The following INSC variants were observed in gnomAD, a reference collection of about 807,000 sequenced individuals.
The protein encoded by INSC is protein inscuteable homolog.
In INSC, 67 loss-of-function variants were observed where a neutral mutation model predicts 58.6. The ratio of observed to expected loss-of-function variants is 1.14; its 90% confidence interval spans 0.94 to 1.40. The LOEUF (loss-of-function observed/expected upper bound fraction) is 1.40, where lower values mean the gene tolerates loss of function less well. INSC is among the 40% of genes most tolerant of loss of function. The pLI is 0.00. For synonymous variants in INSC, 262 were observed against 276.1 expected (o/e 0.95, Z 0.51); for missense variants, 714 against 692.0 (o/e 1.03, Z -0.36).
chr11:15,149,389 A>T (rs2133748660), intron 2 of INSC, among the ~76,000 whole-genome samples, 159 bp downstream of exon 2: 1 of 152,314 alleles, frequency 6.6e-6, no homozygotes, highest in East Asian at 1.9e-4. Flanking sequence ...ATGTTCACTC[A>T]GCAAATATTA....
intron 2 of INSC, among the ~76,000 whole-genome samples, chr11:15,157,496 G>A (rs1470838645): frequency 6.6e-6 from 1 of 152,218 alleles, no homozygotes; most frequent in Admixed American, 6.5e-5. Flanking sequence ...TTGACCCACT[G>A]GGAGTTGGAA....
chr11:15,147,402 C>CT (rs1410882350), intron 1 of INSC, among the ~76,000 whole-genome samples: 13 of 152,218 alleles, frequency 8.5e-5, no homozygotes, highest in Non-Finnish European at 1.8e-4. Flanking sequence ...GACCAGAGAG[C>CT]TGAGCACATA....
rs767643977 is a variant in INSC, at chr11:15,238,949, A to T, written c.1268A>T (p.Glu423Val). The change falls in exon 11 of 13, where the codon GAA (glutamate) becomes GTA (valine). Residue 423 changes from glutamate to valine, a missense_variant. Physicochemically the swap from Glu to Val is moderately radical, Grantham distance 121 (BLOSUM62 -2). Coordinates refer to ENST00000379556, the MANE Select transcript of INSC (RefSeq NM_001042536.3). ...GVQLIMGMLS[E>V]KPRSGTPAEV... Reference sequence around the variant, plus strand: ...CAGCTTATCATGGGCATGCTGTCTGAAAAACCAAGGTCTGGGACTCCTGCT... The same window carrying T: ...CAGCTTATCATGGGCATGCTGTCTGTAAAACCAAGGTCTGGGACTCCTGCT... 9 of 1,614,148 alleles carry T rather than the reference A, an allele frequency of 5.6e-6. No individual in the cohort carries two copies. Among genetic ancestry groups the T allele is most frequent in the Non-Finnish European group, 7.6e-6 (9 of 1,179,992 alleles).
intron 11 of INSC, 64 bp downstream of exon 11, chr11:15,239,138 G>T: frequency 6.5e-7 from 1 of 1,543,030 alleles, no homozygotes; most frequent in Non-Finnish European, 8.7e-7. Context: ...GAGCAGCTCT[G>T]ATTTCACAGT....
intron 5 of INSC, among the ~76,000 whole-genome samples, chr11:15,183,102 C>A (rs998500143): frequency 6.6e-6 from 1 of 152,038 alleles, no homozygotes; most frequent in Non-Finnish European, 1.5e-5. Context: ...AATCTCAGCA[C>A]TTTGGGAGGC....
intron 1 of INSC, among the ~76,000 whole-genome samples, chr11:15,125,637 C>T (rs530214974): frequency 5.4e-4 from 82 of 152,174 alleles, no homozygotes; most frequent in African/African-American, 9.2e-4. Flanking sequence ...TTCCTCTGTT[C>T]GACCCACTTC....
intron 1 of INSC, among the ~76,000 whole-genome samples, chr11:15,139,384 C>T (rs981215391): frequency 6.6e-6 from 1 of 152,116 alleles, no homozygotes; most frequent in African/African-American, 2.4e-5. Flanking sequence ...TTTTGCAAAT[C>T]GAAGCTAAGG....
chr11:15,241,609 G>C (rs1316792835), intron 12 of INSC: 3 of 702,792 alleles, frequency 4.3e-6, no homozygotes, highest in African/African-American at 3.5e-5. Flanking sequence ...AAACATCTCT[G>C]CCCTCCTGCT....
intron 5 of INSC, among the ~76,000 whole-genome samples, chr11:15,186,169 C>G (rs1288084843): frequency 1.3e-5 from 2 of 152,136 alleles, no homozygotes; most frequent in African/African-American, 4.8e-5. Flanking sequence ...GGGTCAGTAC[C>G]TCTGCCAGGG....
intron 2 of INSC, among the ~76,000 whole-genome samples, chr11:15,162,246 C>G (rs1849043439): frequency 1.3e-5 from 2 of 152,098 alleles, no homozygotes; most frequent in African/African-American, 4.8e-5. Context: ...TCTATGAGCT[C>G]CCCTCCTACT....
At chr11:15,122,581 C>T (rs12786222) in intron 1 of INSC, among the ~76,000 whole-genome samples, 2 of 152,212 alleles carry the variant, frequency 1.3e-5, no homozygotes, top group South Asian at 4.1e-4. Context: ...ATGACTCCTT[C>T]GTCTGGGTAG....
At chr11:15,241,579 C>T in intron 12 of INSC, 1 of 702,948 alleles carries the variant, frequency 1.4e-6, no homozygotes, top group Non-Finnish European at 2.6e-6. Flanking sequence ...TATGGGGATA[C>T]AGCTGCAGGT....
chr11:15,244,788 C>A (rs1852496266), intron 12 of INSC, among the ~76,000 whole-genome samples: 1 of 152,164 alleles, frequency 6.6e-6, no homozygotes, highest in South Asian at 2.1e-4. Flanking sequence ...GATATTCCCC[C>A]ACTCTTTTTG....
At chr11:15,152,146 GT>G (rs1473467050) in intron 2 of INSC, among the ~76,000 whole-genome samples, 1 of 152,218 alleles carries the variant, frequency 6.6e-6, no homozygotes, top group African/African-American at 2.4e-5. Flanking sequence ...TTTAGGTGGG[GT>G]TTAGAGTTCA....
chr11:15,148,430 C>T (rs1382800937), intron 1 of INSC, among the ~76,000 whole-genome samples: 2 of 152,214 alleles, frequency 1.3e-5, no homozygotes, highest in Non-Finnish European at 2.9e-5. Flanking sequence ...GGTGAATATG[C>T]TCCCTTGTTC....
intron 2 of INSC, among the ~76,000 whole-genome samples, chr11:15,152,249 A>G (rs939907288): frequency 6.6e-6 from 1 of 152,146 alleles, no homozygotes; most frequent in Non-Finnish European, 1.5e-5. Flanking sequence ...TGAGCTGCAA[A>G]ACCTGGCTCA....
intron 6 of INSC, among the ~76,000 whole-genome samples, chr11:15,200,153 T>TCACACACA (rs57120673): frequency 8.6e-4 from 126 of 146,938 alleles, no homozygotes; most frequent in East Asian, 5.9e-3. Context: ...AAGGGTTATA[T>TCACACACA]CACACACACA....
At chr11:15,216,756 G>A (rs1445953362) in intron 7 of INSC, among the ~76,000 whole-genome samples, 1 of 152,166 alleles carries the variant, frequency 6.6e-6, no homozygotes, top group African/African-American at 2.4e-5. Flanking sequence ...TGAGGTCTCA[G>A]TTCCAAAAAG....
At chr11:15,156,694 A>C (rs1158980477) in intron 2 of INSC, among the ~76,000 whole-genome samples, 1 of 152,224 alleles carries the variant, frequency 6.6e-6, no homozygotes, top group Non-Finnish European at 1.5e-5. Context: ...CATCTGTAGA[A>C]TGGGGATGGC....
Sources: gnomAD v4.1 joint callset for allele counts (sites outside exome capture counted in the v4.1 genomes callset) on GRCh38, gnomAD v4.1.1 for gene constraint, MANE v1.5 for transcripts, NCBI Gene and HGNC (gene_info 2026-07-23, HGNC 2026-07-21) for gene names.